Variants in LCORL observed in about 807,000 individuals in gnomAD.
The protein encoded by LCORL is ligand dependent nuclear receptor corepressor like.
LCORL carries 41 observed loss-of-function variants against 141.8 expected under a neutral mutation model. That is an observed-to-expected ratio of 0.29 (90% CI 0.23 to 0.38). The LOEUF (loss-of-function observed/expected upper bound fraction) is 0.38, where lower values mean the gene tolerates loss of function less well. Among genes scored for constraint, LCORL ranks in the 10% least tolerant of loss-of-function variants. The probability of loss-of-function intolerance (pLI) is 1.00; values close to 1 mark genes in which losing one functional copy is unlikely to be tolerated. For missense variants in LCORL, 1,759 were observed against 2,035.0 expected, an observed-to-expected ratio of 0.86 and a Z score of 2.61; for synonymous variants, 618 against 694.1, an observed-to-expected ratio of 0.89 and a Z score of 1.72.
chr4:17,876,144 T>G (rs887042968), exon 7 of LCORL: 2 of 1,230,996 alleles, frequency 1.6e-6, no homozygotes, highest in Non-Finnish European at 2.0e-6. Flanking sequence ...AGATGAACTT[T>G]CAGTACCTTC....
At chr4:17,877,993 A>T in exon 7 of LCORL, 3 of 1,230,650 alleles carry the variant, frequency 2.4e-6, no homozygotes, top group Non-Finnish European at 3.0e-6. Context: ...AACAGACCAC[A>T]TAAATCATCT....
At chr4:17,851,888 T>G (rs960747860) in intron 7 of LCORL, among the ~76,000 whole-genome samples, 2 of 152,212 alleles carry the variant, frequency 1.3e-5, no homozygotes, top group Non-Finnish European at 2.9e-5. Flanking sequence ...GGCATACCAT[T>G]GTTTTAATTT....
chr4:17,924,872 G>A lies in LCORL; in HGVS notation c.431-15527C>T, dbSNP rs116666575. On this transcript the variant is annotated intron_variant, in intron 4 of 7. Transcript: ENST00000635767. ...TGACCATACTTTGCGGGGCTAGGGCGAAGTTCTCCAGAAGGCTGTGCATGC... is the reference window on the plus strand; with the variant it reads ...TGACCATACTTTGCGGGGCTAGGGCAAAGTTCTCCAGAAGGCTGTGCATGC... Among the ~76,000 whole-genome samples the A allele has an allele frequency of 2.2e-3, 334 of 152,242 alleles. 1 individual carries two copies. The highest frequency in any genetic ancestry group is 7.8e-3 in the African/African-American group (326 of 41,534).
rs150976725 is a variant in LCORL, at chr4:17,983,991, C to T, written c.155-11106G>A. 8.9e-3 allele frequency among the ~76,000 whole-genome samples: 1,354 copies of T among 151,994 alleles called. 35 individuals carry two copies. Among genetic ancestry groups the T allele is most frequent in the Admixed American group, 0.051 (779 of 15,236 alleles). ...TTTTAGCATGAAGGGAAACTGAATA[C>T]ATTGAAAGTCTTTTCTGTATCTGCT... On this transcript the variant is annotated intron_variant, in intron 1 of 7. Coordinates refer to ENST00000635767, the Ensembl canonical transcript of LCORL.
Position 18,021,688 on chromosome 4 carries a change from C to G in LCORL, c.64G>C (p.Ala22Pro). The change falls in exon 1 of 8, where the codon GCT becomes CCT. Residue 22 changes from alanine to proline, a missense_variant. This residue lies in a region of LCORL where 86 missense variants were observed against 61.8 expected (regional missense o/e 1.39). Coordinates refer to ENST00000635767, the Ensembl canonical transcript of LCORL. The surrounding 1 kb of genome is among the most constrained non-coding windows in gnomAD (Gnocchi z 5.5). ...GCGCACCGAGGGCTCCGGCACTGAG[C>G]GGCGGCGGCGGCGGCGGCAGCAGCG... The G allele has an allele frequency of 1.3e-6, 2 of 1,484,012 alleles. No individual in the cohort carries two copies. Among genetic ancestry groups the G allele is most frequent in the Non-Finnish European group, 1.8e-6 (2 of 1,114,086 alleles). The allele number at this position is 1,484,012 out of a possible 1,614,324, so 91.9% of individuals were successfully genotyped here. A position where few individuals can be genotyped will look rare whatever the true frequency, so the allele number is the denominator to read the frequency against.
At chr4:17,882,253 T>C in intron 6 of LCORL, 1 of 984,650 alleles carries the variant, frequency 1.0e-6, no homozygotes, top group Non-Finnish European at 1.2e-6. Flanking sequence ...GCTAAAAGTA[T>C]TCCTTTTGGA....
intron 4 of LCORL, among the ~76,000 whole-genome samples, chr4:17,952,606 G>A (rs1377166359): frequency 2.0e-5 from 3 of 151,944 alleles, no homozygotes; most frequent in East Asian, 1.9e-4. Context: ...TAGTAGAGAC[G>A]GGGTTTCACC....
At chr4:17,932,688 G>A (rs900584415) in intron 4 of LCORL, among the ~76,000 whole-genome samples, 3 of 152,116 alleles carry the variant, frequency 2.0e-5, no homozygotes, top group African/African-American at 7.2e-5. Flanking sequence ...ACTTTTTGTA[G>A]ATAAAGTTTT....
exon 7 of LCORL, chr4:17,874,327 G>T (rs1726693206): frequency 1.6e-6 from 2 of 1,233,884 alleles, no homozygotes; most frequent in Non-Finnish European, 1.0e-6. Context: ...TTTTTAAAGT[G>T]CTTTCTGAAG....
chr4:17,980,937 C>A (rs1717876840), intron 1 of LCORL, among the ~76,000 whole-genome samples: 1 of 152,150 alleles, frequency 6.6e-6, no homozygotes, highest in South Asian at 2.1e-4. Flanking sequence ...CAAAACCATG[C>A]CCCTGTCCAT....
chr4:17,978,039 T>C lies in LCORL; in HGVS notation c.155-5154A>G, dbSNP rs140108773. 3.4e-3 allele frequency among the ~76,000 whole-genome samples: 512 copies of C among 152,344 alleles called. 7 individuals are homozygous for C. The highest frequency in any genetic ancestry group is 0.012 in the African/African-American group (483 of 41,578). ...CCCTCTTATGTTCATGTTACCTTTT[T>C]AGTCCTTGAACATAACTTAGCAAAC... is the stretch of plus-strand genomic sequence containing the variant. On this transcript the variant is annotated intron_variant, in intron 1 of 7. Coordinates refer to ENST00000635767, the Ensembl canonical transcript of LCORL.
In LCORL at chr4:17,875,146, C is replaced by CT; in HGVS notation, c.3843dup (p.Glu1282ArgfsTer4). ...TTTTTTCCTGACGTATTATCCTGTT[C>CT]TAAAGGAGGCAAGCAGCTGCTAATA... On this transcript the variant is annotated frameshift_variant, in exon 7 of 8. Transcript: ENST00000635767. LOFTEE classifies it high-confidence loss of function. The CT allele has an allele frequency of 8.1e-7, 1 of 1,232,714 alleles. No homozygotes were observed. Among genetic ancestry groups the CT allele is most frequent in the Non-Finnish European group, 1.0e-6 (1 of 987,690 alleles). The allele number at this position is 1,232,714 out of a possible 1,614,324, so 76.4% of individuals were successfully genotyped here.
intron 5 of LCORL, among the ~76,000 whole-genome samples, chr4:17,908,504 A>T (rs893701178): frequency 2.0e-5 from 3 of 152,176 alleles, no homozygotes; most frequent in African/African-American, 7.2e-5. Flanking sequence ...AGTCCTTCGC[A>T]CACACTTAAA....
chr4:17,889,104 C>G (rs1728708590), intron 5 of LCORL, among the ~76,000 whole-genome samples: 1 of 152,046 alleles, frequency 6.6e-6, no homozygotes, highest in Non-Finnish European at 1.5e-5. Context: ...GGCTGCAGCT[C>G]TCTACTTGGG....
intron 4 of LCORL, chr4:17,911,705 C>G: frequency 2.0e-6 from 1 of 501,760 alleles, no homozygotes; most frequent in South Asian, 1.5e-5. Flanking sequence ...ACCTTCTCCA[C>G]CAGCTACTGT....
rs1728076018 is a variant in LCORL at position 17,884,951 on chromosome 4, A to C, written c.776+1117T>G. On this transcript the variant is annotated intron_variant, in intron 6 of 7. Transcript: ENST00000635767. This position sits in a 1 kb window ranked among gnomAD's most constrained non-coding sequence, Gnocchi z 4.4. ...GTCCTGGTAGGACAATGTGACAATG[A>C]TACGGTGGCCTCAACGGGCAGACCT... 6.6e-6 allele frequency among the ~76,000 whole-genome samples: 1 copy of C among 151,986 alleles called. No individual in the cohort carries two copies. Among genetic ancestry groups the C allele is most frequent in the South Asian group, 2.1e-4 (1 of 4,838 alleles).
At chr4:18,007,870 A>G (rs1198115118) in intron 1 of LCORL, among the ~76,000 whole-genome samples, 1 of 152,166 alleles carries the variant, frequency 6.6e-6, no homozygotes, top group Non-Finnish European at 1.5e-5. Flanking sequence ...ATTCTATTCT[A>G]TTTATGTGCT....
chr4:17,865,645 ATT>A (rs1725553463), intron 7 of LCORL, among the ~76,000 whole-genome samples: 1 of 152,228 alleles, frequency 6.6e-6, no homozygotes, highest in Non-Finnish European at 1.5e-5. Context: ...TTATGTTCAT[ATT>A]AGTAAATAAT....
intron 4 of LCORL, among the ~76,000 whole-genome samples, chr4:17,917,147 G>A (rs1439010723): frequency 6.6e-6 from 1 of 151,670 alleles, no homozygotes; most frequent in Non-Finnish European, 1.5e-5. Context: ...GCTAACTTTT[G>A]TATTTTTAGT....
Sources: gnomAD v4.1 joint callset for allele counts (sites outside exome capture counted in the v4.1 genomes callset) on GRCh38, gnomAD v4.1.1 for gene constraint, gnomAD v4.1.1 regional missense constraint, Gnocchi (gnomAD v3.1) non-coding constraint, MANE v1.5 for transcripts, NCBI Gene and HGNC (gene_info 2026-07-23, HGNC 2026-07-21) for gene names.